Variants in SMARCC1 observed in about 807,000 individuals in gnomAD.
The protein encoded by SMARCC1 is SWI/SNF complex subunit SMARCC1.
In SMARCC1, 43 loss-of-function variants were observed where a neutral mutation model predicts 147.4. That is an observed-to-expected ratio of 0.29 (90% confidence interval 0.23 to 0.38). The LOEUF is 0.38. Among genes scored for constraint, SMARCC1 ranks in the 10% least tolerant of loss-of-function variants. SMARCC1 has a pLI of 1.00. For synonymous variants in SMARCC1, 495 were observed against 484.4 expected (o/e 1.02, Z -0.29); for missense variants, 1,119 against 1,381.1 (o/e 0.81, Z 3.01).
chr3:47,601,765 A>G (rs1342736853), intron 26 of SMARCC1: 1 of 149,322 alleles, frequency 6.7e-6, no homozygotes, highest in Non-Finnish European at 1.5e-5. Flanking sequence ...AGTGGTGTGA[A>G]CTCGGCTCAC....
intron 18 of SMARCC1, 102 bp from the exon 19 acceptor site, chr3:47,670,819 A>G: frequency 1.3e-6 from 1 of 767,542 alleles, no homozygotes; most frequent in Non-Finnish European, 2.4e-6. Context: ...TACGCAAACT[A>G]TCATGGTAAG....
At chr3:47,683,718 C>T (rs1046065793) in intron 14 of SMARCC1, among the ~76,000 whole-genome samples, 1 of 151,592 alleles carries the variant, frequency 6.6e-6, no homozygotes, top group Non-Finnish European at 1.5e-5. Context: ...ACTGAGACTC[C>T]GTCTCAAAAA....
At chr3:47,663,695 G>A in intron 19 of SMARCC1, 1 of 1,489,168 alleles carries the variant, frequency 6.7e-7, no homozygotes, top group East Asian at 2.3e-5. Flanking sequence ...TAGCCCCACT[G>A]TTTACAGGAA....
Position 47,759,631 on chromosome 3 carries a change from A to G in SMARCC1, c.315+13186T>C, listed in dbSNP as rs192381064. ...TAGACTCCGTCTCAAAAAAAAAAAAAAAAAAGAAAAAGAAAAAATTTAGCC... is the reference window on the plus strand; with the variant it reads ...TAGACTCCGTCTCAAAAAAAAAAAAGAAAAAGAAAAAGAAAAAATTTAGCC... On this transcript the variant is annotated intron_variant, in intron 2 of 27. Transcript: ENST00000254480. Among the ~76,000 whole-genome samples the G allele has an allele frequency of 3.4e-3, 505 of 149,422 alleles. 1 individual carries two copies. The highest frequency in any genetic ancestry group is 4.9e-3 in the Non-Finnish European group (331 of 67,526).
Position 47,691,061 on chromosome 3 carries a change from C to T in SMARCC1, c.1226-1637G>A, listed in dbSNP as rs148598372. ...CTCAAATTACACATTTTTAGTCTGACGAATTTCATTCCCCAAAGTAGTCTT... is the reference window on the plus strand; with the variant it reads ...CTCAAATTACACATTTTTAGTCTGATGAATTTCATTCCCCAAAGTAGTCTT... On this transcript the variant is annotated intron_variant, in intron 12 of 27. Coordinates refer to ENST00000254480, the MANE Select transcript of SMARCC1 (RefSeq NM_003074.4). 4.1e-3 allele frequency among the ~76,000 whole-genome samples: 624 copies of T among 152,192 alleles called. 5 individuals are homozygous for T. The highest frequency in any genetic ancestry group is 5.8e-3 in the Non-Finnish European group (396 of 68,006).
intron 11 of SMARCC1, among the ~76,000 whole-genome samples, chr3:47,695,900 C>A (rs6789438): frequency 1 from 116,610 of 116,800 alleles, 58,222 homozygotes; most frequent in Non-Finnish European, 1. Flanking sequence ...CCCGTCTCTA[C>A]TAAAAATACA....
chr3:47,673,160 G>A (rs1411715596), intron 18 of SMARCC1, among the ~76,000 whole-genome samples: 2 of 151,808 alleles, frequency 1.3e-5, no homozygotes, highest in Non-Finnish European at 2.9e-5. Flanking sequence ...AAAAAAGGTC[G>A]ATCACTGGAG....
At chr3:47,677,258 C>T (rs556527706) in intron 16 of SMARCC1, among the ~76,000 whole-genome samples, 6 of 152,070 alleles carry the variant, frequency 3.9e-5, no homozygotes, top group Admixed American at 2.0e-4. Flanking sequence ...CATCACCATG[C>T]GCAGCTAATT....
intron 2 of SMARCC1, among the ~76,000 whole-genome samples, chr3:47,759,303 G>C (rs1382803639): frequency 6.6e-6 from 1 of 151,410 alleles, no homozygotes; most frequent in Admixed American, 6.6e-5. Context: ...GTGAGCCACA[G>C]CATACAGTAC....
rs1307042982 is a variant in SMARCC1, at chr3:47,588,185, T to G, written c.*24A>C. On this transcript the variant is annotated 3_prime_UTR_variant, in exon 28 of 28. Transcript: ENST00000254480. ...CCACTCCAGCTCATGGTGGTGGGCG[T>G]GGAGGTTCCCTGCATCTTCCAGGCT... 2 of 1,577,348 alleles carry G rather than the reference T, an allele frequency of 1.3e-6. No homozygotes were observed. Among genetic ancestry groups the G allele is most frequent in the African/African-American group, 2.7e-5 (2 of 74,004 alleles).
intron 2 of SMARCC1, among the ~76,000 whole-genome samples, chr3:47,746,788 T>C (rs967455046): frequency 6.8e-6 from 1 of 147,824 alleles, no homozygotes; most frequent in Admixed American, 7.0e-5. Context: ...TGGAGTGCAA[T>C]GGTGCTATCT....
rs375012274 is a variant in SMARCC1 at position 47,636,145 on chromosome 3, G to T, written c.2377-9C>A. ...TCCACTTTATTTTCTGCCTGAAAGG[G>T]ATATAAAACAAGAGGACAGGCAGTG... On this transcript the variant is annotated splice_polypyrimidine_tract_variant and intron_variant, in intron 22 of 27. Transcript: ENST00000254480. 1.7e-5 allele frequency: 25 copies of T among 1,487,506 alleles called. No individual in the cohort carries two copies. The highest frequency in any genetic ancestry group is 2.2e-5 in the Non-Finnish European group (24 of 1,070,470). The allele number at this position is 1,487,506 out of a possible 1,614,324, so 92.1% of individuals were successfully genotyped here. A position where few individuals can be genotyped will look rare whatever the true frequency, so the allele number is the denominator to read the frequency against.
intron 21 of SMARCC1, among the ~76,000 whole-genome samples, chr3:47,660,571 G>A (rs2033332410): frequency 6.6e-6 from 1 of 151,856 alleles, no homozygotes; most frequent in South Asian, 2.1e-4. Flanking sequence ...ACTGATGCAT[G>A]CTACAGCATG....
intron 14 of SMARCC1, among the ~76,000 whole-genome samples, chr3:47,685,599 C>T (rs1176193301): frequency 6.6e-6 from 1 of 151,348 alleles, no homozygotes; most frequent in East Asian, 1.9e-4. Flanking sequence ...GTGGCTCACG[C>T]CTGTAATCCC....
At chr3:47,772,554 G>A (rs2034927259) in intron 2 of SMARCC1, among the ~76,000 whole-genome samples, 1 of 152,166 alleles carries the variant, frequency 6.6e-6, no homozygotes, top group South Asian at 2.1e-4. Context: ...GGTACGGCGA[G>A]AGGATAGGGA....
chr3:47,751,178 G>A (rs1433103980), intron 2 of SMARCC1, among the ~76,000 whole-genome samples: 4 of 152,056 alleles, frequency 2.6e-5, no homozygotes, highest in South Asian at 2.1e-4. Context: ...GATTACTAGC[G>A]TGAGCCACCG....
chr3:47,596,629 C>T (rs1044402707), intron 26 of SMARCC1, among the ~76,000 whole-genome samples: 6 of 151,650 alleles, frequency 4.0e-5, no homozygotes, highest in Non-Finnish European at 8.8e-5. Flanking sequence ...GGTCTTGCTA[C>T]GTTGCCCAGG....
At chr3:47,740,178 C>CT (rs34523367) in intron 3 of SMARCC1, among the ~76,000 whole-genome samples, 2,272 of 35,758 alleles carry the variant, frequency 0.064, 100 homozygotes, top group Non-Finnish European at 0.085. Context: ...GCCCGGCCAT[C>CT]TTTTTTTTTT....
intron 15 of SMARCC1, among the ~76,000 whole-genome samples, chr3:47,679,642 A>C (rs1315653302): frequency 6.6e-6 from 1 of 152,156 alleles, no homozygotes; most frequent in African/African-American, 2.4e-5. Context: ...CAAGTGGATC[A>C]CTTGAGGTCA....
Sources: allele counts gnomAD v4.1 joint callset (sites outside exome capture counted in the v4.1 genomes callset), GRCh38; gene constraint gnomAD v4.1.1; transcripts MANE v1.5; gene names NCBI Gene and HGNC (gene_info 2026-07-23, HGNC 2026-07-21).